Variants in IFT172 observed in about 807,000 individuals in gnomAD.
The protein encoded by IFT172 is intraflagellar transport protein 172 homolog.
Under a neutral mutation model 248.9 loss-of-function variants are expected in IFT172, and 164 were observed. That is an observed-to-expected ratio of 0.66 (90% CI 0.58 to 0.75). The LOEUF is 0.75. Among genes scored for constraint, IFT172 ranks in the 30% least tolerant of loss-of-function variants. IFT172 has a pLI of 0.00. For synonymous variants in IFT172, 729 were observed against 791.6 expected (o/e 0.92, Z 1.33); for missense variants, 1,950 against 2,192.4 (o/e 0.89, Z 2.21).
chr2:27,488,843 A>T (rs1184363167), intron 1 of IFT172, among the ~76,000 whole-genome samples: 2 of 152,176 alleles, frequency 1.3e-5, no homozygotes, highest in East Asian at 3.9e-4. Context: ...ACATGGGGAA[A>T]CCTCGTCTCT....
At position 27,483,887 on chromosome 2, in the gene IFT172, T is replaced by C. The variant is rs775838290; in HGVS notation, c.387A>G (p.Gly129=). The C allele has an allele frequency of 1.9e-6, 3 of 1,613,476 alleles. No homozygotes were observed. In the East Asian group the frequency reaches 6.7e-5, roughly 36 times the overall value. Residue 129 remains glycine, a synonymous_variant, in exon 5 of 48, where the codon GGA becomes GGG. Coordinates refer to ENST00000260570, the MANE Select transcript of IFT172 (RefSeq NM_015662.3). ...QWPAEYIIVF[G]LAEGKVRLAN... ...CCTCTTTTACCTTCCCTTCAGCCAG[T>C]CCAAAGACAATGATGTATTCTGCCG... is the stretch of plus-strand genomic sequence containing the variant.
At chr2:27,453,795 GCCAC>G in intron 33 of IFT172, 56 bp from the exon 34 acceptor site, 1 of 1,510,858 alleles carries the variant, frequency 6.6e-7, no homozygotes, top group Non-Finnish European at 9.1e-7. Context: ...GCTTCCCACT[GCCAC>G]ACAGGTACTC....
chr2:27,454,089 C>G lies in IFT172; in HGVS notation c.3604G>C (p.Val1202Leu). ...GCCCCCCGGGCCTGTCCCACAAGCA[C>G]CTCGGCGACACTGTCAGGGTCGTGA... ...EAHDPDSVAEVLVGQARGALE... is the reference protein window; with the variant it reads ...EAHDPDSVAELLVGQARGALE... Residue 1202 changes from valine to leucine, a missense_variant, in exon 33 of 48, where the codon GTG becomes CTG. Physicochemically the swap from Val to Leu is conservative, Grantham distance 32. This residue lies in a region of IFT172 where 620 missense variants were observed against 699.0 expected (regional missense o/e 0.89). Transcript: ENST00000260570. The surrounding 1 kb of genome is among the most constrained non-coding windows in gnomAD (Gnocchi z 4.2). The G allele has an allele frequency of 6.2e-7, 1 of 1,614,146 alleles. No homozygotes were observed. The highest frequency in any genetic ancestry group is 8.5e-7 in the Non-Finnish European group (1 of 1,180,030).
In IFT172 at chr2:27,461,036, T is replaced by C; in HGVS notation, c.2500A>G (p.Lys834Glu). 5.0e-6 allele frequency: 8 copies of C among 1,614,174 alleles called. No homozygotes were observed. Among genetic ancestry groups the C allele is most frequent in the Middle Eastern group, 1.6e-4 (1 of 6,062 alleles). ...GTACCTTTCATGAATGCGTTGCCTT[T>C]ACGGTAGCACTCCAGGGCCTTCTGT... is the stretch of plus-strand genomic sequence containing the variant. ...NPQKALECYR[K>E]GNAFMKAVEL... Residue 834 changes from lysine to glutamate, a missense_variant, in exon 23 of 48, where the codon AAA becomes GAA. This residue lies in a region of IFT172 where 1,166 missense variants were observed against 1,254.1 expected (regional missense o/e 0.93). Coordinates refer to ENST00000260570, the MANE Select transcript of IFT172 (RefSeq NM_015662.3).
chr2:27,478,025 C>T lies in IFT172; in HGVS notation c.1137G>A (p.Leu379=), dbSNP rs773637837. Residue 379 remains leucine (L), a synonymous_variant, in exon 11 of 48, where the codon CTG becomes CTA. Coordinates refer to ENST00000260570, the MANE Select transcript of IFT172 (RefSeq NM_015662.3). ...LVAHTSETLL[L]GDLNTNRLSE... ...TAAGCCGATTAGTGTTCAGGTCCCC[C>T]AGCAGCAGTGTTTCTGATGTGTGAG... 7 of 1,614,064 alleles carry T rather than the reference C, an allele frequency of 4.3e-6. No individual in the cohort carries two copies. In the African/African-American group the frequency reaches 6.7e-5, roughly 15 times the overall value.
chr2:27,482,477 G>A (rs891149227), intron 7 of IFT172, among the ~76,000 whole-genome samples: 3 of 151,676 alleles, frequency 2.0e-5, no homozygotes, highest in Non-Finnish European at 2.9e-5. Flanking sequence ...GTATTTAGTA[G>A]AGACGGGTTT....
intron 13 of IFT172, 111 bp downstream of exon 13, chr2:27,477,106 T>G (rs1668009362): frequency 1.0e-6 from 1 of 957,032 alleles, no homozygotes; most frequent in Non-Finnish European, 1.6e-6. Context: ...ATTATAGGCA[T>G]GAGCCACCAC....
In IFT172 at chr2:27,463,136, A is replaced by C; in HGVS notation, c.1983T>G (p.His661Gln). ...LGQVAKARFL[H>Q]ETNEIADQVS... ...CTTGATCTGCAATCTCATTGGTCTCATGCAGGAATCGAGCTTTTGCTACTT... is the reference window on the plus strand; with the variant it reads ...CTTGATCTGCAATCTCATTGGTCTCCTGCAGGAATCGAGCTTTTGCTACTT... Residue 661 changes from histidine (H) to glutamine (Q), a missense_variant, in exon 19 of 48, where the codon CAT becomes CAG. Transcript: ENST00000260570. The C allele has an allele frequency of 6.2e-7, 1 of 1,614,206 alleles. No homozygotes were observed. Among genetic ancestry groups the C allele is most frequent in the Non-Finnish European group, 8.5e-7 (1 of 1,180,012 alleles).
At chr2:27,452,059 TG>T (rs1252090187) in intron 35 of IFT172, among the ~76,000 whole-genome samples, 6 of 148,414 alleles carry the variant, frequency 4.0e-5, no homozygotes, top group African/African-American at 9.7e-5. Context: ...TCCGGGTATT[TG>T]GTCAAACATT....
rs535317930 is a variant in IFT172, at chr2:27,470,413, G to A, written c.1692+515C>T. On this transcript the variant is annotated intron_variant, in intron 16 of 47. Coordinates refer to ENST00000260570, the MANE Select transcript of IFT172 (RefSeq NM_015662.3). ...GGAGATTTTAAAAAGGTATGGAAAA[G>A]GACAAAAAGAAAGCATCAAGCGCTC... Among the ~76,000 whole-genome samples the A allele has an allele frequency of 3.9e-5, 6 of 152,262 alleles. No individual in the cohort carries two copies. In the East Asian group the frequency reaches 1.2e-3, roughly 29 times the overall value.
rs112979049 is a variant in IFT172 at position 27,446,511 on chromosome 2, T to C, written c.4660-156A>G. On this transcript the variant is annotated intron_variant, in intron 42 of 47. Coordinates refer to ENST00000260570, the MANE Select transcript of IFT172 (RefSeq NM_015662.3). ...TTCTGGGTCTTAGTTTTTTTTTTCT[T>C]TTTCTCTGAACAAGACACCTGGGCC... The C allele has an allele frequency of 4.9e-3, 2,982 of 611,752 alleles. 14 individuals are homozygous for C. The highest frequency in any genetic ancestry group is 0.01 in the Middle Eastern group (33 of 3,284). The allele number at this position is 611,752 out of a possible 1,614,324, so 37.9% of individuals were successfully genotyped here.
intron 7 of IFT172, 118 bp downstream of exon 7, chr2:27,483,170 AT>A (rs1668507141): frequency 1.5e-6 from 1 of 673,510 alleles, no homozygotes; most frequent in African/African-American, 1.8e-5. Flanking sequence ...TGCCCGACTA[AT>A]TTTTGTATTT....
In IFT172 at chr2:27,489,595, A is replaced by C. The variant is rs1334203688; in HGVS notation, c.39+20T>G. Reference sequence around the variant, plus strand: ...GGAACATAAAGCATAAGGGGGAGGGACTGGCACGCAATTCCTCACCTGAGG... The same window carrying C: ...GGAACATAAAGCATAAGGGGGAGGGCCTGGCACGCAATTCCTCACCTGAGG... On this transcript the variant is annotated intron_variant, in intron 1 of 47. Coordinates refer to ENST00000260570, the MANE Select transcript of IFT172 (RefSeq NM_015662.3). 5.6e-6 allele frequency: 9 copies of C among 1,598,250 alleles called. No homozygotes were observed. Among genetic ancestry groups the C allele is most frequent in the Non-Finnish European group, 6.9e-6 (8 of 1,165,964 alleles).
intron 14 of IFT172, among the ~76,000 whole-genome samples, chr2:27,473,985 T>A (rs1439296504): frequency 6.6e-6 from 1 of 152,058 alleles, no homozygotes; most frequent in Non-Finnish European, 1.5e-5. Flanking sequence ...TTTTTGTATT[T>A]TTAGTAGAGA....
intron 29 of IFT172, 91 bp from the exon 30 acceptor site, chr2:27,456,744 T>C: frequency 6.5e-7 from 1 of 1,527,366 alleles, no homozygotes; most frequent in Non-Finnish European, 8.8e-7. Flanking sequence ...CAGTAACTGT[T>C]CTAAATTGAA....
chr2:27,472,314 C>A lies in IFT172; in HGVS notation c.1460G>T (p.Arg487Leu), dbSNP rs368967337. Residue 487 changes from arginine (R) to leucine (L), a missense_variant, in exon 15 of 48, where the codon CGT becomes CTT. Coordinates refer to ENST00000260570, the MANE Select transcript of IFT172 (RefSeq NM_015662.3). Reference protein sequence around the residue: ...YNIGTVSHESRVDWLELNETG... With the variant: ...YNIGTVSHESLVDWLELNETG... ...CTCATTAAGTTCCAGCCAATCCACA[C>A]GGCTCTCATGGCTGACGGTGCCAAT... 1.2e-6 allele frequency: 2 copies of A among 1,614,032 alleles called. No homozygotes were observed. The highest frequency in any genetic ancestry group is 1.3e-5 in the African/African-American group (1 of 74,922).
intron 1 of IFT172, among the ~76,000 whole-genome samples, chr2:27,486,766 T>G (rs115059004): frequency 0.013 from 1,932 of 152,346 alleles, 35 homozygotes; most frequent in African/African-American, 0.044. Flanking sequence ...ACCTGCATCA[T>G]GACATCATCT....
intron 40 of IFT172, 118 bp downstream of exon 40, chr2:27,448,797 G>A: frequency 1.4e-6 from 1 of 713,026 alleles, no homozygotes; most frequent in Non-Finnish European, 2.6e-6. Context: ...GGGGGCTCTG[G>A]GCATGACGTT....
intron 42 of IFT172, among the ~76,000 whole-genome samples, chr2:27,446,724 GCT>G (rs1279622537): frequency 2.6e-5 from 3 of 114,458 alleles, no homozygotes; most frequent in Non-Finnish European, 4.9e-5. Flanking sequence ...ACGGAGTCTC[GCT>G]CTGTCGCCCA....
Sources: allele counts gnomAD v4.1 joint callset (sites outside exome capture counted in the v4.1 genomes callset), GRCh38; gene constraint gnomAD v4.1.1; regional missense constraint gnomAD v4.1.1; non-coding constraint Gnocchi (gnomAD v3.1); transcripts MANE v1.5; gene names NCBI Gene and HGNC (gene_info 2026-07-23, HGNC 2026-07-21).